The following SEMA3D variants were observed in gnomAD, a reference collection of about 807,000 sequenced individuals.
SEMA3D encodes semaphorin-3D.
Under a neutral mutation model 100.1 loss-of-function variants are expected in SEMA3D, and 84 were observed. The ratio of observed to expected loss-of-function variants is 0.84; its 90% CI spans 0.70 to 1.01. The LOEUF is 1.01. SEMA3D is among the 50% of genes least tolerant of loss of function. The probability of loss-of-function intolerance (pLI) is 0.00; values close to 1 mark genes in which losing one functional copy is unlikely to be tolerated. For synonymous variants in SEMA3D, 312 were observed against 320.7 expected (o/e 0.97, Z 0.29); for missense variants, 875 against 934.1 (o/e 0.94, Z 0.82).
chr7:85,075,881 C>T (rs1791909211), intron 5 of SEMA3D, among the ~76,000 whole-genome samples: 1 of 152,168 alleles, frequency 6.6e-6, no homozygotes, highest in Non-Finnish European at 1.5e-5. Context: ...CCTTTCAACT[C>T]ATAACTTCAT....
intron 7 of SEMA3D, among the ~76,000 whole-genome samples, chr7:85,066,619 C>T (rs1791628857): frequency 6.6e-6 from 1 of 151,964 alleles, no homozygotes; most frequent in Non-Finnish European, 1.5e-5. Flanking sequence ...AACCACTTTG[C>T]TTTACATTTA....
chr7:85,246,643 T>A, the SEMA3D span, among the ~76,000 whole-genome samples: 1 of 151,948 alleles, frequency 6.6e-6, no homozygotes, highest in Non-Finnish European at 1.5e-5. Flanking sequence ...CAAGTTTGGG[T>A]GATGATATGT....
At chr7:85,249,331 G>A in the SEMA3D span, among the ~76,000 whole-genome samples, 1 of 152,046 alleles carries the variant, frequency 6.6e-6, no homozygotes, top group Admixed American at 6.6e-5. Flanking sequence ...AACTGACACA[G>A]GAAAGAAGAG....
chr7:85,025,039 C>A (rs759449479), intron 12 of SEMA3D, among the ~76,000 whole-genome samples: 2 of 152,086 alleles, frequency 1.3e-5, no homozygotes, highest in African/African-American at 2.4e-5. Context: ...CTAGAAAATT[C>A]TCCTATGGCA....
At chr7:85,045,889 T>G (rs1308110229) in intron 9 of SEMA3D, among the ~76,000 whole-genome samples, 2 of 151,908 alleles carry the variant, frequency 1.3e-5, no homozygotes, top group African/African-American at 4.8e-5. Context: ...TTTCTAGTTG[T>G]GATAAGAAGA....
chr7:85,237,236 A>G, the SEMA3D span, among the ~76,000 whole-genome samples: 6 of 152,198 alleles, frequency 3.9e-5, no homozygotes, highest in African/African-American at 1.4e-4. Flanking sequence ...CTCACTATCA[A>G]CATCCCAAAC....
chr7:85,135,767 C>T (rs1302380323), intron 2 of SEMA3D, among the ~76,000 whole-genome samples: 1 of 138,288 alleles, frequency 7.2e-6, no homozygotes, highest in Non-Finnish European at 1.5e-5. Context: ...TCTTCCTATC[C>T]CTGTTGGCTC....
intron 13 of SEMA3D, among the ~76,000 whole-genome samples, chr7:85,020,729 A>G (rs1377338822): frequency 2.6e-5 from 4 of 151,610 alleles, no homozygotes; most frequent in Admixed American, 6.6e-5. Flanking sequence ...AGTAGTTATT[A>G]TATCCAATTC....
At chr7:85,025,272 T>C (rs980452481) in intron 12 of SEMA3D, among the ~76,000 whole-genome samples, 3 of 151,996 alleles carry the variant, frequency 2.0e-5, no homozygotes, top group Non-Finnish European at 4.4e-5. Context: ...AAAGACAGTA[T>C]TCTTCTCTTG....
chr7:85,230,766 G>A, the SEMA3D span, among the ~76,000 whole-genome samples: 12 of 152,090 alleles, frequency 7.9e-5, no homozygotes, highest in Non-Finnish European at 1.6e-4. Context: ...TTAAAATGTC[G>A]TCTACTTTCT....
At chr7:85,140,515 G>A in intron 2 of SEMA3D, 1 of 983,818 alleles carries the variant, frequency 1.0e-6, no homozygotes, top group African/African-American at 1.7e-5. Context: ...AGACACTGTT[G>A]ATCATAGTCA....
chr7:85,241,679 T>C, the SEMA3D span, among the ~76,000 whole-genome samples: 2 of 150,084 alleles, frequency 1.3e-5, no homozygotes, highest in Non-Finnish European at 3.0e-5. Context: ...GGGGAAAGGG[T>C]AGGAAGGGTG....
chr7:85,217,788 T>G, the SEMA3D span, among the ~76,000 whole-genome samples: 1 of 152,104 alleles, frequency 6.6e-6, no homozygotes, highest in Non-Finnish European at 1.5e-5. Flanking sequence ...CATTTATACA[T>G]GGAGATAATC....
the SEMA3D span, among the ~76,000 whole-genome samples, chr7:85,231,435 C>CTTTTTT: frequency 1.5e-5 from 2 of 137,858 alleles, no homozygotes; most frequent in Non-Finnish European, 1.5e-5. Flanking sequence ...CCAATCTTTC[C>CTTTTTT]CTTTTTTTTT....
intron 2 of SEMA3D, chr7:85,139,877 A>G (rs1274975955): frequency 2.0e-5 from 3 of 152,016 alleles, no homozygotes; most frequent in African/African-American, 7.2e-5. Flanking sequence ...AAATACTGTT[A>G]TTTACAGTGC....
chr7:85,003,343 G>GA (rs1252680950), intron 18 of SEMA3D, among the ~76,000 whole-genome samples: 3 of 151,798 alleles, frequency 2.0e-5, no homozygotes, highest in Non-Finnish European at 4.4e-5. Context: ...TTATTAAAAA[G>GA]AAAAAATCAA....
chr7:85,231,821 C>T, the SEMA3D span, among the ~76,000 whole-genome samples: 5 of 151,930 alleles, frequency 3.3e-5, no homozygotes, highest in Non-Finnish European at 5.9e-5. Context: ...TTTTTTCATA[C>T]AAACTTTCTT....
intron 2 of SEMA3D, among the ~76,000 whole-genome samples, chr7:85,128,630 G>C (rs1271618680): frequency 6.6e-6 from 1 of 151,712 alleles, no homozygotes; most frequent in Non-Finnish European, 1.5e-5. Context: ...TCATTCAGCT[G>C]TTGAATTATA....
Position 85,081,649 on chromosome 7 carries a change from A to C in SEMA3D, c.313-70T>G, listed in dbSNP as rs1788070500. ...ACCCTAACACTCTGCAATTCTGCTC[A>C]GAGAGTGAATGTGTGAAATTGAAGA... On this transcript the variant is annotated intron_variant, in intron 4 of 18. Transcript: ENST00000284136. 4 of 1,012,526 alleles carry C rather than the reference A, an allele frequency of 4.0e-6. No individual in the cohort carries two copies. In the South Asian group the frequency reaches 5.3e-5, roughly 13 times the overall value. 62.7% of individuals were successfully genotyped at this position (1,012,526 alleles called of 1,614,324 possible).
Sources: gnomAD v4.1 joint callset for allele counts (sites outside exome capture counted in the v4.1 genomes callset) on GRCh38, gnomAD v4.1.1 for gene constraint, MANE v1.5 for transcripts, NCBI Gene and HGNC (gene_info 2026-07-23, HGNC 2026-07-21) for gene names.